The following MGAT4C variants were observed in gnomAD, a reference collection of about 807,000 sequenced individuals.
The protein encoded by MGAT4C is alpha-1,3-mannosyl-glycoprotein 4-beta-N-acetylglucosaminyltransferase C.
Under a neutral mutation model 40.1 loss-of-function variants are expected in MGAT4C, and 19 were observed. That is an observed-to-expected ratio of 0.47 (90% CI 0.33 to 0.70). The LOEUF (loss-of-function observed/expected upper bound fraction) is 0.70, where lower values mean the gene tolerates loss of function less well. Ranked by LOEUF, MGAT4C falls within the 30% of genes least tolerant of loss-of-function variation. MGAT4C has a pLI of 0.02. For synonymous variants in MGAT4C, 181 were observed against 187.1 expected (o/e 0.97, Z 0.27); for missense variants, 491 against 563.2 (o/e 0.87, Z 1.30).
At chr12:86,693,101 A>G (rs558038202) in intron 2 of MGAT4C, among the ~76,000 whole-genome samples, 1 of 152,284 alleles carries the variant, frequency 6.6e-6, no homozygotes, top group African/African-American at 2.4e-5. Flanking sequence ...GGGTGAGTTG[A>G]CACTCTTCAG....
chr12:86,522,214 A>G (rs73193213), intron 2 of MGAT4C, among the ~76,000 whole-genome samples: 4,143 of 152,230 alleles, frequency 0.027, 97 homozygotes, highest in South Asian at 0.067. Context: ...GCTCTTGTCC[A>G]TTCATTATGA....
intron 3 of MGAT4C, among the ~76,000 whole-genome samples, chr12:86,339,688 C>G (rs1336450448): frequency 7.8e-6 from 1 of 127,716 alleles, no homozygotes; most frequent in East Asian, 1.9e-4. Context: ...TTATCTTAGC[C>G]TCTCTGATTA....
At chr12:86,407,761 C>T (rs1956504431) in intron 3 of MGAT4C, among the ~76,000 whole-genome samples, 1 of 151,970 alleles carries the variant, frequency 6.6e-6, no homozygotes, top group East Asian at 1.9e-4. Context: ...AGTACATACT[C>T]GGTAGAAAGA....
intron 1 of MGAT4C, among the ~76,000 whole-genome samples, chr12:86,137,976 G>T (rs1882212741): frequency 6.6e-6 from 1 of 152,072 alleles, no homozygotes; most frequent in Non-Finnish European, 1.5e-5. Context: ...GGCTACAGTT[G>T]GGATTTTCCC....
chr12:86,491,330 G>A (rs997167133), intron 2 of MGAT4C, among the ~76,000 whole-genome samples: 1 of 152,160 alleles, frequency 6.6e-6, no homozygotes, highest in East Asian at 1.9e-4. Context: ...AAGCTGGGCA[G>A]AGACACAACC....
chr12:86,467,193 G>A (rs1192993740), intron 2 of MGAT4C, among the ~76,000 whole-genome samples: 1 of 152,028 alleles, frequency 6.6e-6, no homozygotes, highest in Non-Finnish European at 1.5e-5. Context: ...CTACTTCCTG[G>A]CCATGTTCTT....
intron 4 of MGAT4C, among the ~76,000 whole-genome samples, chr12:86,305,960 AG>A (rs567423866): frequency 6.0e-5 from 9 of 150,666 alleles, no homozygotes; most frequent in African/African-American, 2.2e-4. Flanking sequence ...CATCTTTAAA[AG>A]AAATTGTTTT....
chr12:86,527,126 G>A (rs1212678172), intron 2 of MGAT4C, among the ~76,000 whole-genome samples: 3 of 152,036 alleles, frequency 2.0e-5, no homozygotes. Context: ...GTTTCACCTG[G>A]CTGGATCTAG....
At chr12:86,411,582 AT>A (rs1298380860) in intron 3 of MGAT4C, among the ~76,000 whole-genome samples, 1 of 152,186 alleles carries the variant, frequency 6.6e-6, no homozygotes, top group African/African-American at 2.4e-5. Flanking sequence ...CTATGCTTAT[AT>A]TTTTTAGCAA....
intron 2 of MGAT4C, among the ~76,000 whole-genome samples, chr12:86,012,772 AACAACAACC>A (rs1188477439): frequency 1.0e-4 from 12 of 117,070 alleles, no homozygotes; most frequent in Admixed American, 1.0e-3. Flanking sequence ...CAACAACAAC[AACAACAACC>A]ACCACCACCA....
chr12:86,349,445 G>T (rs1955111116), intron 3 of MGAT4C, among the ~76,000 whole-genome samples: 5 of 152,096 alleles, frequency 3.3e-5, no homozygotes, highest in Admixed American at 2.6e-4. Context: ...CCTCTTCCTT[G>T]TAGGTTCCTG....
At chr12:86,511,030 G>A in intron 2 of MGAT4C, among the ~76,000 whole-genome samples, 1 of 152,136 alleles carries the variant, frequency 6.6e-6, no homozygotes, top group Non-Finnish European at 1.5e-5. Context: ...CAAATCGACA[G>A]AATATACATT....
At chr12:86,584,630 A>G (rs1960929478) in intron 2 of MGAT4C, among the ~76,000 whole-genome samples, 1 of 151,304 alleles carries the variant, frequency 6.6e-6, no homozygotes, top group African/African-American at 2.4e-5. Context: ...TTCAATTTCT[A>G]TTGGATCAAG....
intron 1 of MGAT4C, among the ~76,000 whole-genome samples, chr12:86,107,868 T>C (rs946028902): frequency 6.6e-6 from 1 of 152,122 alleles, no homozygotes; most frequent in East Asian, 1.9e-4. Context: ...GTCTTAAGTG[T>C]CTTTGGATTT....
chr12:86,770,652 T>C (rs1349490033), intron 1 of MGAT4C, among the ~76,000 whole-genome samples: 6 of 152,092 alleles, frequency 3.9e-5, no homozygotes, highest in Non-Finnish European at 8.8e-5. Context: ...GATTCAGGAA[T>C]ATATGTTAAA....
intron 2 of MGAT4C, among the ~76,000 whole-genome samples, chr12:86,586,095 C>A (rs1221473036): frequency 1.9e-5 from 2 of 105,322 alleles, no homozygotes; most frequent in Non-Finnish European, 3.7e-5. Context: ...AGCTATCCCT[C>A]CCCCCTCCCC....
intron 2 of MGAT4C, among the ~76,000 whole-genome samples, chr12:86,601,875 T>A (rs1461274957): frequency 6.6e-6 from 1 of 152,036 alleles, no homozygotes; most frequent in African/African-American, 2.4e-5. Flanking sequence ...TTTCTGGGAG[T>A]CCATGCCTTC....
chr12:86,555,921 T>C (rs1234133402), intron 2 of MGAT4C, among the ~76,000 whole-genome samples: 1 of 152,186 alleles, frequency 6.6e-6, no homozygotes, highest in East Asian at 1.9e-4. Flanking sequence ...TGACCTGGTG[T>C]TGGGTCTGAT....
chr12:86,435,981 A>G (rs1409579098), intron 2 of MGAT4C, among the ~76,000 whole-genome samples: 2 of 151,938 alleles, frequency 1.3e-5, no homozygotes, highest in African/African-American at 4.8e-5. Context: ...TGAACACTAG[A>G]TCAAAAATTA....
Sources: allele counts gnomAD v4.1 joint callset (sites outside exome capture counted in the v4.1 genomes callset), GRCh38; gene constraint gnomAD v4.1.1; transcripts MANE v1.5; gene names NCBI Gene and HGNC (gene_info 2026-07-23, HGNC 2026-07-21).